The following TIA1 variants were observed in gnomAD, a reference collection of about 807,000 sequenced individuals.
The protein encoded by TIA1 is cytotoxic granule associated RNA binding protein TIA1.
TIA1 carries 23 observed loss-of-function variants against 65.9 expected under a neutral mutation model. That is an observed-to-expected ratio of 0.35 (90% CI 0.25 to 0.49). TIA1 has a LOEUF of 0.49. Among genes scored for constraint, TIA1 ranks in the 20% least tolerant of loss-of-function variants. TIA1 has a pLI of 0.98. For synonymous variants in TIA1, 147 were observed against 149.4 expected (o/e 0.98, Z 0.12); for missense variants, 371 against 477.9 (o/e 0.78, Z 2.09).
Position 70,229,096 on chromosome 2 carries a change from T to A in TIA1, c.278-5A>T. 3 of 1,613,746 alleles carry A rather than the reference T, an allele frequency of 1.9e-6. No individual in the cohort carries two copies. Among genetic ancestry groups the A allele is most frequent in the Non-Finnish European group, 2.5e-6 (3 of 1,179,856 alleles). ...GTGTGCTGACAACGGTACTACCTGA[T>A]GACAAAGATTAGATTTGTTCTTAAA... On this transcript the variant is annotated splice_polypyrimidine_tract_variant and splice_region_variant and intron_variant, in intron 4 of 12. Coordinates refer to ENST00000433529, the MANE Select transcript of TIA1 (RefSeq NM_022173.4).
chr2:70,238,207 T>C (rs1689937342), intron 1 of TIA1, among the ~76,000 whole-genome samples: 2 of 150,928 alleles, frequency 1.3e-5, no homozygotes, highest in African/African-American at 4.9e-5. Context: ...GGCATTGCAA[T>C]TATTTCTACT....
At chr2:70,230,657 A>AG in intron 3 of TIA1, 99 bp downstream of exon 3, 3 of 1,019,652 alleles carry the variant, frequency 2.9e-6, no homozygotes, top group Non-Finnish European at 4.2e-6. Flanking sequence ...CATCTCAAAA[A>AG]AAAAAAAAAA....
intron 1 of TIA1, among the ~76,000 whole-genome samples, chr2:70,239,553 ATACAAGG>A (rs1464575098): frequency 6.6e-6 from 1 of 152,148 alleles, no homozygotes; most frequent in Non-Finnish European, 1.5e-5. Context: ...AGAAAATTTG[ATACAAGG>A]TATGGACTTT....
At chr2:70,237,773 T>C (rs527501779) in intron 1 of TIA1, among the ~76,000 whole-genome samples, 5 of 148,232 alleles carry the variant, frequency 3.4e-5, no homozygotes, top group Admixed American at 6.7e-5. Flanking sequence ...GGCTGAGGCA[T>C]GAGAATTGCT....
chr2:70,232,138 C>G (rs919321598), intron 2 of TIA1, among the ~76,000 whole-genome samples: 3 of 142,072 alleles, frequency 2.1e-5, no homozygotes, highest in Non-Finnish European at 4.5e-5. Context: ...GGAGACGGAG[C>G]TTGCAGTGTG....
intron 7 of TIA1, 85 bp downstream of exon 7, chr2:70,224,469 G>C (rs1682942517): frequency 6.4e-7 from 1 of 1,569,660 alleles, no homozygotes; most frequent in Admixed American, 1.8e-5. Flanking sequence ...ATAAACAGCA[G>C]ACGAAAAAAA....
chr2:70,220,150 C>G (rs1680616878), intron 7 of TIA1, among the ~76,000 whole-genome samples: 1 of 152,112 alleles, frequency 6.6e-6, no homozygotes, highest in African/African-American at 2.4e-5. Context: ...GTGGCTCACA[C>G]TTATAATCCC....
chr2:70,233,554 A>T (rs1431154982), intron 2 of TIA1, among the ~76,000 whole-genome samples: 16 of 152,080 alleles, frequency 1.1e-4, no homozygotes, highest in Non-Finnish European at 4.4e-5. Flanking sequence ...GGATCATGAC[A>T]TCAGGAGATC....
chr2:70,229,967 G>A (rs974768340), intron 3 of TIA1, among the ~76,000 whole-genome samples: 3 of 150,322 alleles, frequency 2.0e-5, no homozygotes, highest in East Asian at 2.0e-4. Flanking sequence ...ACCTGGGGAC[G>A]GTGGCTCACG....
At chr2:70,228,300 T>C in intron 5 of TIA1, 4 of 1,270,524 alleles carry the variant, frequency 3.1e-6, no homozygotes, top group African/African-American at 1.5e-5. Context: ...ACATGATATA[T>C]ACTTGGTTTA....
Position 70,211,724 on chromosome 2 carries a change from C to G in TIA1, c.*995G>C, listed in dbSNP as rs1047884429. ...TATGTATTTGATTTTCACATGCAAA[C>G]AACTTAAAACCTTATAAATCTCATG... On this transcript the variant is annotated 3_prime_UTR_variant, in exon 13 of 13. Coordinates refer to ENST00000433529, the MANE Select transcript of TIA1 (RefSeq NM_022173.4). The G allele has an allele frequency of 6.5e-6, 1 of 152,744 alleles. No homozygotes were observed. Among genetic ancestry groups the G allele is most frequent in the East Asian group, 1.9e-4 (1 of 5,192 alleles). 9.5% of individuals were successfully genotyped at this position (152,744 alleles called of 1,614,324 possible).
chr2:70,224,815 A>C, intron 6 of TIA1, 186 bp from the exon 7 acceptor site: 1 of 1,382,776 alleles, frequency 7.2e-7, no homozygotes, highest in Non-Finnish European at 9.4e-7. Context: ...TAGACATGCA[A>C]ATCAATAACT....
At position 70,214,646 on chromosome 2, in the gene TIA1, A is replaced by AC. The variant is rs1218002793; in HGVS notation, c.889-153_889-152insG. 1.3e-3 allele frequency: 780 copies of AC among 593,508 alleles called. 5 individuals carry two copies. Among genetic ancestry groups the AC allele is most frequent in the Non-Finnish European group, 1.6e-3 (609 of 372,250 alleles). The allele number at this position is 593,508 out of a possible 1,614,324, so 36.8% of individuals were successfully genotyped here. On this transcript the variant is annotated intron_variant, in intron 11 of 12. Transcript: ENST00000433529. ...GAGTTGACTGCTAAAAAAAAAAAAA[A>AC]AAAAAAAAAAAACAAAAAACAACAA...
intron 7 of TIA1, among the ~76,000 whole-genome samples, chr2:70,218,976 A>G (rs1246707942): frequency 6.6e-6 from 1 of 152,244 alleles, no homozygotes; most frequent in Non-Finnish European, 1.5e-5. Context: ...TTGGAAAGAC[A>G]GCATTTATTG....
chr2:70,216,732 A>G, intron 8 of TIA1, 154 bp downstream of exon 8: 1 of 1,552,334 alleles, frequency 6.4e-7, no homozygotes, highest in Non-Finnish European at 8.6e-7. Flanking sequence ...ATTTATAATT[A>G]CAAAAATGAA....
At chr2:70,233,710 G>A (rs1225013527) in intron 2 of TIA1, among the ~76,000 whole-genome samples, 1 of 151,108 alleles carries the variant, frequency 6.6e-6, no homozygotes, top group Non-Finnish European at 1.5e-5. Context: ...AGTTTGCAGT[G>A]AGCTGAGATC....
chr2:70,229,469 C>T (rs1195018670), intron 3 of TIA1, 151 bp from the exon 4 acceptor site: 5 of 641,126 alleles, frequency 7.8e-6, no homozygotes, highest in Non-Finnish European at 8.0e-6. Context: ...AATCTTCTGA[C>T]CTACATTTAG....
At chr2:70,228,989 A>T in intron 5 of TIA1, 70 bp downstream of exon 5, 1 of 929,714 alleles carries the variant, frequency 1.1e-6, no homozygotes, top group Non-Finnish European at 1.4e-6. Flanking sequence ...ATATCAAACA[A>T]AAAAACTTCA....
At position 70,226,351 on chromosome 2, in the gene TIA1, G is replaced by A. The variant is rs555565990; in HGVS notation, c.398+1384C>T. 3.3e-3 allele frequency among the ~76,000 whole-genome samples: 502 copies of A among 152,100 alleles called. 1 individual carries two copies. Among genetic ancestry groups the A allele is most frequent in the African/African-American group, 0.012 (491 of 41,526 alleles). The stretch of plus-strand genomic sequence containing the variant: ...CCTAATTCCAAACTAAAATTCCCGT[G>A]TTTTCAAAAAAACTACCTCAATTAA... On this transcript the variant is annotated intron_variant, in intron 6 of 12. Coordinates refer to ENST00000433529, the MANE Select transcript of TIA1 (RefSeq NM_022173.4).
Sources: gnomAD v4.1 joint callset for allele counts (sites outside exome capture counted in the v4.1 genomes callset) on GRCh38, gnomAD v4.1.1 for gene constraint, MANE v1.5 for transcripts, NCBI Gene and HGNC (gene_info 2026-07-23, HGNC 2026-07-21) for gene names.